PRDM16: variants seen among roughly 807,000 people sequenced by gnomAD.
The protein encoded by PRDM16 is PR/SET domain 16.
In PRDM16, 23 loss-of-function variants were observed where a neutral mutation model predicts 110.6. The ratio of observed to expected loss-of-function variants is 0.21; its 90% confidence interval spans 0.15 to 0.29. The LOEUF is 0.29. PRDM16 is among the 10% of genes least tolerant of loss of function. The probability of loss-of-function intolerance (pLI) is 1.00; values close to 1 mark genes in which losing one functional copy is unlikely to be tolerated. For missense variants in PRDM16, 1,615 were observed against 1,794.3 expected, an observed-to-expected ratio of 0.90 and a Z score of 1.81; for synonymous variants, 799 against 781.8, an observed-to-expected ratio of 1.02 and a Z score of -0.37.
chr1:3,306,744 A>AC (rs1641323880), intron 3 of PRDM16: 1 of 152,232 alleles, frequency 6.6e-6, no homozygotes, highest in Admixed American at 6.5e-5. Flanking sequence ...TCAGCCACAG[A>AC]CTTGTGCAAC....
At chr1:3,419,439 T>C (rs1638369856) in intron 12 of PRDM16, among the ~76,000 whole-genome samples, 1 of 152,184 alleles carries the variant, frequency 6.6e-6, no homozygotes, top group Non-Finnish European at 1.5e-5. Context: ...TCATCCCATT[T>C]CAAAGATGAG....
intron 2 of PRDM16, among the ~76,000 whole-genome samples, chr1:3,191,477 G>A (rs1412289588): frequency 2.6e-5 from 4 of 152,326 alleles, no homozygotes; most frequent in Admixed American, 2.0e-4. Context: ...TGTGGACCAG[G>A]AGCTACACAG....
At position 3,289,635 on chromosome 1, in the gene PRDM16, C is replaced by T. The variant is rs948791288; in HGVS notation, c.438+45498C>T. ...GCAGGTCAGGAGCTGGGCGGGTCCA[C>T]GGTGAGCCCCAGAGCTGCTGGCAGA... On this transcript the variant is annotated intron_variant, in intron 3 of 16. Coordinates refer to ENST00000270722, the MANE Select transcript of PRDM16 (RefSeq NM_022114.4). 3.9e-5 allele frequency among the ~76,000 whole-genome samples: 6 copies of T among 152,274 alleles called. No individual in the cohort carries two copies. The East Asian group carries it at 7.7e-4, about 20-fold the overall frequency.
At chr1:3,196,812 A>G (rs527486491) in intron 2 of PRDM16, among the ~76,000 whole-genome samples, 1 of 152,240 alleles carries the variant, frequency 6.6e-6, no homozygotes, top group East Asian at 1.9e-4. Context: ...TCCCCTACCC[A>G]TGGGAGCCCA....
intron 3 of PRDM16, among the ~76,000 whole-genome samples, chr1:3,289,578 G>A (rs748504241): frequency 5.3e-5 from 8 of 152,234 alleles, no homozygotes; most frequent in Non-Finnish European, 8.8e-5. Context: ...CAGCCCAGCA[G>A]GAGGAGACAG....
chr1:3,376,026 G>T (rs964049923), intron 3 of PRDM16, among the ~76,000 whole-genome samples: 1 of 152,096 alleles, frequency 6.6e-6, no homozygotes, highest in Admixed American at 6.5e-5. Flanking sequence ...CGGCATCTGG[G>T]GTCCAGGTGC....
chr1:3,385,871 G>A (rs2100607464), intron 4 of PRDM16, among the ~76,000 whole-genome samples: 1 of 152,296 alleles, frequency 6.6e-6, no homozygotes, highest in Middle Eastern at 3.4e-3. Flanking sequence ...TGCCACCTCG[G>A]GGCTGAGGAG....
At chr1:3,278,607 C>A (rs1640641814) in intron 3 of PRDM16, among the ~76,000 whole-genome samples, 1 of 152,224 alleles carries the variant, frequency 6.6e-6, no homozygotes, top group African/African-American at 2.4e-5. Flanking sequence ...CGGCACCCTG[C>A]TGCCCGGCGG....
chr1:3,233,209 T>C (rs983240720), intron 2 of PRDM16, among the ~76,000 whole-genome samples: 6 of 151,938 alleles, frequency 3.9e-5, no homozygotes, highest in Admixed American at 3.9e-4. Context: ...AGGGTGGGGG[T>C]GGCCGGTGGC....
chr1:3,320,509 G>C (rs983845168), intron 3 of PRDM16, among the ~76,000 whole-genome samples: 4 of 152,340 alleles, frequency 2.6e-5, no homozygotes, highest in Admixed American at 2.6e-4. Flanking sequence ...TTGGAGAACA[G>C]ATCATTTCCC....
intron 2 of PRDM16, among the ~76,000 whole-genome samples, chr1:3,229,600 C>T (rs975270458): frequency 2.0e-5 from 3 of 152,202 alleles, no homozygotes; most frequent in African/African-American, 4.8e-5. Context: ...ATGGCAGAAT[C>T]GGATCGGATC....
At chr1:3,404,575 C>T (rs1024689581) in intron 6 of PRDM16, among the ~76,000 whole-genome samples, 164 bp from the exon 7 acceptor site, 1 of 152,188 alleles carries the variant, frequency 6.6e-6, no homozygotes, top group Admixed American at 6.5e-5. Flanking sequence ...AGCCCGGCCA[C>T]GGCAGAGAGG....
At chr1:3,412,952 G>A in intron 9 of PRDM16, 152 bp downstream of exon 9, 1 of 666,374 alleles carries the variant, frequency 1.5e-6, no homozygotes, top group South Asian at 2.9e-5. Context: ...TTCTTGGGGG[G>A]GTCTGCACCC....
At chr1:3,414,711 T>C (rs1396525727) in intron 10 of PRDM16, 64 bp downstream of exon 10, 2 of 1,326,340 alleles carry the variant, frequency 1.5e-6, no homozygotes, top group Non-Finnish European at 2.1e-6. Context: ...ATCTCCCGGC[T>C]GTCGAGGCTC....
chr1:3,383,850 C>T (rs1055621223), intron 3 of PRDM16, among the ~76,000 whole-genome samples: 1 of 151,850 alleles, frequency 6.6e-6, no homozygotes, highest in African/African-American at 2.4e-5. Flanking sequence ...TGCCTAAGGA[C>T]ACACCTGCCC....
intron 4 of PRDM16, chr1:3,386,767 TG>T: frequency 6.6e-6 from 1 of 152,210 alleles, no homozygotes; most frequent in Non-Finnish European, 1.5e-5. Context: ...ATTTGCAGAG[TG>T]TGTCCTTAGT....
intron 4 of PRDM16, among the ~76,000 whole-genome samples, chr1:3,391,122 C>T (rs1643293450): frequency 6.6e-6 from 1 of 152,176 alleles, no homozygotes; most frequent in African/African-American, 2.4e-5. Flanking sequence ...AGGCGTGAGC[C>T]ACCGCCCGAG....
chr1:3,423,381 C>T (rs1217712448), intron 12 of PRDM16, among the ~76,000 whole-genome samples: 1 of 152,184 alleles, frequency 6.6e-6, no homozygotes, highest in African/African-American at 2.4e-5. Context: ...ACTGAAGCTT[C>T]CTGCCTTGGG....
chr1:3,193,486 A>G (rs1013921768), intron 2 of PRDM16, among the ~76,000 whole-genome samples: 1 of 152,176 alleles, frequency 6.6e-6, no homozygotes, highest in Non-Finnish European at 1.5e-5. Flanking sequence ...TCCAGCGCCC[A>G]CTGCTCAGTG....
Sources: gnomAD v4.1 joint callset for allele counts (sites outside exome capture counted in the v4.1 genomes callset) on GRCh38, gnomAD v4.1.1 for gene constraint, MANE v1.5 for transcripts, NCBI Gene and HGNC (gene_info 2026-07-23, HGNC 2026-07-21) for gene names.